The following MTA3 variants were observed in gnomAD, a reference collection of about 807,000 sequenced individuals.
MTA3 encodes metastasis associated 1 family member 3, also known as metastasis-associated protein MTA3.
A neutral mutation model predicts 83.5 loss-of-function variants in MTA3; 34 were observed. The ratio of observed to expected loss-of-function variants is 0.41; its 90% CI spans 0.31 to 0.54. The LOEUF is 0.54. MTA3 is among the 20% of genes least tolerant of loss of function. The probability of loss-of-function intolerance (pLI) is 0.33; values close to 1 mark genes in which losing one functional copy is unlikely to be tolerated. For missense variants in MTA3, 761 were observed against 726.4 expected, an observed-to-expected ratio of 1.05 and a Z score of -0.55; for synonymous variants, 303 against 252.7, an observed-to-expected ratio of 1.20 and a Z score of -1.89.
At chr2:42,618,928 A>G (rs1558508094) in intron 4 of MTA3, among the ~76,000 whole-genome samples, 2 of 152,180 alleles carry the variant, frequency 1.3e-5, no homozygotes, top group South Asian at 2.1e-4. Context: ...CTTTTCTGTA[A>G]TAATTGTATG....
At chr2:42,633,761 G>A (rs1487016319) in intron 4 of MTA3, among the ~76,000 whole-genome samples, 1 of 151,646 alleles carries the variant, frequency 6.6e-6, no homozygotes, top group Non-Finnish European at 1.5e-5. Flanking sequence ...GGCCGTGGTG[G>A]CGGGCGCCTG....
chr2:42,573,258 C>T (rs924822108), intron 2 of MTA3, among the ~76,000 whole-genome samples: 1 of 152,182 alleles, frequency 6.6e-6, no homozygotes, highest in African/African-American at 2.4e-5. Context: ...CTTGAGAAGG[C>T]AAGCCTGACC....
intron 2 of MTA3, among the ~76,000 whole-genome samples, chr2:42,530,196 A>C (rs950464306): frequency 2.0e-5 from 3 of 150,024 alleles, no homozygotes; most frequent in African/African-American, 7.4e-5. Context: ...AAAAAAAAAA[A>C]GATTACAACC....
chr2:42,688,589 TTTG>T (rs1468009972), intron 9 of MTA3, among the ~76,000 whole-genome samples: 3 of 151,034 alleles, frequency 2.0e-5, no homozygotes, highest in Non-Finnish European at 1.5e-5. Context: ...ATTTTGAGAG[TTTG>T]TTATGTATTT....
At chr2:42,667,611 TAGAGAGAGAAAGAG>T (rs1457857666) in intron 8 of MTA3, among the ~76,000 whole-genome samples, 21 of 120,598 alleles carry the variant, frequency 1.7e-4, no homozygotes, top group Middle Eastern at 4.5e-3. Context: ...TGTGTGTGTA[TAGAGAGAGAAAGAG>T]AGAGAGAGAG....
rs775581233 is a variant in MTA3 at position 42,656,253 on chromosome 2, A to C, written c.553A>C (p.Asn185His). 1 of 1,613,868 alleles carries C rather than the reference A, an allele frequency of 6.2e-7. No individual in the cohort carries two copies. Among genetic ancestry groups the C allele is most frequent in the South Asian group, 1.1e-5 (1 of 91,074 alleles). The change falls in exon 7 of 17, where the codon AAT becomes CAT. Residue 185 changes from asparagine to histidine, a missense_variant. Coordinates refer to ENST00000405094, the MANE Select transcript of MTA3 (RefSeq NM_001330442.2). Reference sequence around the variant, plus strand: ...ATTGGAAGTTAAAGTTTGGGATCCAAATAGCCCACTTACGGATCGACAGAT... The same window carrying C: ...ATTGGAAGTTAAAGTTTGGGATCCACATAGCCCACTTACGGATCGACAGAT... ...SKLEVKVWDP[N>H]SPLTDRQIDQ...
At chr2:42,620,395 C>T (rs1252077566) in intron 4 of MTA3, among the ~76,000 whole-genome samples, 1 of 152,140 alleles carries the variant, frequency 6.6e-6, no homozygotes, top group Non-Finnish European at 1.5e-5. Context: ...GCTGGAATTA[C>T]AGGAATGAGC....
intron 2 of MTA3, among the ~76,000 whole-genome samples, chr2:42,551,047 CTAAATAAATAAA>C (rs61107846): frequency 7.8e-4 from 111 of 142,688 alleles, no homozygotes; most frequent in African/African-American, 1.9e-3. Context: ...CAGACTCTGA[CTAAATAAATAAA>C]TAAATAAATA....
At chr2:42,560,997 C>G (rs919040064) in intron 2 of MTA3, among the ~76,000 whole-genome samples, 1 of 152,128 alleles carries the variant, frequency 6.6e-6, no homozygotes, top group Admixed American at 6.6e-5. Context: ...AAAATCCAAA[C>G]TTTTTACCAT....
At chr2:42,634,572 C>T (rs981818853) in intron 4 of MTA3, among the ~76,000 whole-genome samples, 8 of 152,144 alleles carry the variant, frequency 5.3e-5, no homozygotes, top group South Asian at 2.1e-4. Flanking sequence ...GTCCCTCCCT[C>T]GACACGTGAG....
intron 8 of MTA3, among the ~76,000 whole-genome samples, chr2:42,664,716 C>T (rs1041171377): frequency 1.3e-5 from 2 of 152,064 alleles, no homozygotes; most frequent in African/African-American, 4.8e-5. Flanking sequence ...ATCTGAAGAC[C>T]TCTTTGAGAG....
At chr2:42,582,343 C>T (rs1328302715) in intron 3 of MTA3, among the ~76,000 whole-genome samples, 1 of 152,336 alleles carries the variant, frequency 6.6e-6, no homozygotes, top group African/African-American at 2.4e-5. Context: ...CAGGCGTGAG[C>T]CACTGCGCCC....
At chr2:42,507,155 C>A (rs545707675) in intron 2 of MTA3, among the ~76,000 whole-genome samples, 2 of 152,244 alleles carry the variant, frequency 1.3e-5, no homozygotes, top group African/African-American at 4.8e-5. Flanking sequence ...CCCACCTCGG[C>A]TTCCAAAAGT....
chr2:42,730,871 C>T (rs765897144), intron 16 of MTA3, among the ~76,000 whole-genome samples: 11 of 152,078 alleles, frequency 7.2e-5, no homozygotes, highest in Non-Finnish European at 8.8e-5. Flanking sequence ...TTTATTATGG[C>T]CTTGATCTCA....
At chr2:42,605,128 CA>C (rs1683095811) in intron 3 of MTA3, among the ~76,000 whole-genome samples, 1 of 150,164 alleles carries the variant, frequency 6.7e-6, no homozygotes, top group African/African-American at 2.5e-5. Flanking sequence ...GGTGGCCGGG[CA>C]GAGGGGCTCC....
At chr2:42,629,935 C>T (rs1022580919) in intron 4 of MTA3, among the ~76,000 whole-genome samples, 2 of 152,066 alleles carry the variant, frequency 1.3e-5, no homozygotes, top group African/African-American at 2.4e-5. Flanking sequence ...CCTGTCACCA[C>T]ACCCGGCTAA....
chr2:42,755,115 A>G lies in MTA3; in HGVS notation c.*1716A>G. On this transcript the variant is annotated 3_prime_UTR_variant, in exon 17 of 17. Transcript: ENST00000405094. Reference sequence around the variant, plus strand: ...TTCCCACTGAGGGGTCCCTTCAGCAAAGACCTGGGAGGAGGTGCCGCATCA... The same window carrying G: ...TTCCCACTGAGGGGTCCCTTCAGCAGAGACCTGGGAGGAGGTGCCGCATCA... 2 of 985,462 alleles carry G rather than the reference A, an allele frequency of 2.0e-6. No individual in the cohort carries two copies. The highest frequency in any genetic ancestry group is 2.4e-6 in the Non-Finnish European group (2 of 830,006). 61.0% of individuals were successfully genotyped at this position (985,462 alleles called of 1,614,324 possible).
In MTA3 at chr2:42,755,592, G is replaced by T; in HGVS notation, c.*2193G>T. On this transcript the variant is annotated 3_prime_UTR_variant, in exon 17 of 17. Coordinates refer to ENST00000405094, the MANE Select transcript of MTA3 (RefSeq NM_001330442.2). ...GACTGAGACTTCACGCTCTCCCTTT[G>T]TCTCTGGAAACTGCCCCCTCGTTCT... The T allele has an allele frequency of 1.0e-6, 1 of 985,584 alleles. No homozygotes were observed. Among genetic ancestry groups the T allele is most frequent in the Non-Finnish European group, 1.2e-6 (1 of 830,042 alleles). The allele number at this position is 985,584 out of a possible 1,614,324, so 61.1% of individuals were successfully genotyped here.
In MTA3 at chr2:42,540,849, T is replaced by G. The variant is rs1260604681; in HGVS notation, c.-140-29588T>G. On this transcript the variant is annotated intron_variant, in intron 2 of 17. Transcript: ENST00000405592. ...GACCCTGTCTCAAAAAAAAAAAAATTAAAAAAAAAAAGTTTTTTCCCAAAT... is the reference window on the plus strand; with the variant it reads ...GACCCTGTCTCAAAAAAAAAAAAATGAAAAAAAAAAAGTTTTTTCCCAAAT... 1.2e-4 allele frequency among the ~76,000 whole-genome samples: 18 copies of G among 144,660 alleles called. No homozygotes were observed. The South Asian group carries it at 3.6e-3, about 29-fold the overall frequency. 94.9% of individuals were successfully genotyped at this position (144,660 alleles called of 152,430 possible). A position where few individuals can be genotyped will look rare whatever the true frequency, so the allele number is the denominator to read the frequency against.
Sources: gnomAD v4.1 joint callset for allele counts (sites outside exome capture counted in the v4.1 genomes callset) on GRCh38, gnomAD v4.1.1 for gene constraint, MANE v1.5 for transcripts, NCBI Gene and HGNC (gene_info 2026-07-23, HGNC 2026-07-21) for gene names.